CBLN2: variants seen among roughly 807,000 people sequenced by gnomAD.
CBLN2 encodes cerebellin 2 precursor.
Under a neutral mutation model 15.0 loss-of-function variants are expected in CBLN2, and 7 were observed. That is an observed-to-expected ratio of 0.47 (90% CI 0.27 to 0.88). CBLN2 has a LOEUF of 0.88. Among genes scored for constraint, CBLN2 ranks in the 40% least tolerant of loss-of-function variants. The pLI is 0.14. For missense variants in CBLN2, 242 were observed against 304.5 expected, an observed-to-expected ratio of 0.79 and a Z score of 1.53; for synonymous variants, 149 against 135.2, an observed-to-expected ratio of 1.10 and a Z score of -0.71.
rs142324000 is a variant in CBLN2, at chr18:72,575,777, G to A, written c.16-37005C>T. ...AGGACTTGGGGTTTGGAAGGAATGAGACAAGGAAAGAGAACGGGAGATGTG... is the reference window on the plus strand; with the variant it reads ...AGGACTTGGGGTTTGGAAGGAATGAAACAAGGAAAGAGAACGGGAGATGTG... On this transcript the variant is annotated intron_variant, in intron 1 of 2. Coordinates refer to the CBLN2 transcript ENST00000581073. Among the ~76,000 whole-genome samples the A allele has an allele frequency of 3.3e-3, 489 of 149,794 alleles. 2 individuals are homozygous for A. Among genetic ancestry groups the A allele is most frequent in the Middle Eastern group, 0.01 (3 of 292 alleles).
At chr18:72,601,241 G>A (rs998062094) in intron 1 of CBLN2, among the ~76,000 whole-genome samples, 23 of 152,216 alleles carry the variant, frequency 1.5e-4, no homozygotes, top group African/African-American at 5.3e-4. Context: ...CCTACGCCCC[G>A]GATTGACCAA....
At chr18:72,549,331 A>AGCTGAT (rs2069177882), upstream of CBLN2, among the ~76,000 whole-genome samples, 1 of 152,228 alleles carries the variant, frequency 6.6e-6, no homozygotes, top group African/African-American at 2.4e-5. Context: ...ACAAGCTTGC[A>AGCTGAT]GCTGATGCTG....
chr18:72,636,225 G>A (rs2069811457), intron 1 of CBLN2, among the ~76,000 whole-genome samples: 1 of 152,040 alleles, frequency 6.6e-6, no homozygotes, highest in Non-Finnish European at 1.5e-5. Context: ...TAGTTACGTA[G>A]GTATTGAAAA....
At chr18:72,630,563 G>A (rs1379182801) in intron 1 of CBLN2, among the ~76,000 whole-genome samples, 2 of 92,774 alleles carry the variant, frequency 2.2e-5, no homozygotes, top group African/African-American at 6.7e-5. Flanking sequence ...ACACACACAT[G>A]CAGAGAGAGA....
At chr18:72,608,849 T>C (rs2069601934) in intron 1 of CBLN2, among the ~76,000 whole-genome samples, 1 of 152,168 alleles carries the variant, frequency 6.6e-6, no homozygotes, top group Non-Finnish European at 1.5e-5. Context: ...CTCATAGTCA[T>C]GGTGGAAGGT....
chr18:72,542,244 C>T lies in CBLN2; in HGVS notation c.-84G>A, dbSNP rs2069121109. On this transcript the variant is annotated 5_prime_UTR_variant, in exon 3 of 5. Coordinates refer to ENST00000269503, the MANE Select transcript of CBLN2 (RefSeq NM_182511.4). ...GAAGGGCGCGAAGGAACGCGCGGAGCTCGCAGCAGCCTCCGGGGGCCTTCG... is the reference window on the plus strand; with the variant it reads ...GAAGGGCGCGAAGGAACGCGCGGAGTTCGCAGCAGCCTCCGGGGGCCTTCG... The T allele has an allele frequency of 5.3e-6, 5 of 936,206 alleles. No individual in the cohort carries two copies. Among genetic ancestry groups the T allele is most frequent in the Non-Finnish European group, 6.7e-6 (5 of 741,264 alleles). 58.0% of individuals were successfully genotyped at this position (936,206 alleles called of 1,614,324 possible). A position where few individuals can be genotyped will look rare whatever the true frequency, so the allele number is the denominator to read the frequency against.
chr18:72,592,353 A>T (rs1441947119), intron 1 of CBLN2, among the ~76,000 whole-genome samples: 2 of 151,238 alleles, frequency 1.3e-5, no homozygotes, highest in Non-Finnish European at 3.0e-5. Context: ...GAATTATTGC[A>T]TTTCTCCCTA....
intron 1 of CBLN2, among the ~76,000 whole-genome samples, chr18:72,597,699 C>A (rs1415491230): frequency 6.6e-6 from 1 of 152,220 alleles, no homozygotes; most frequent in African/African-American, 2.4e-5. Context: ...AATCAGAAAC[C>A]TTTGGGATCT....
intron 1 of CBLN2, among the ~76,000 whole-genome samples, chr18:72,571,433 G>A (rs929252950): frequency 1.3e-5 from 2 of 152,134 alleles, no homozygotes; most frequent in Non-Finnish European, 2.9e-5. Context: ...AAAAGCGAGA[G>A]CATTGCCTAG....
intron 1 of CBLN2, chr18:72,618,541 A>G: frequency 1.4e-6 from 1 of 721,872 alleles, no homozygotes; most frequent in Non-Finnish European, 2.5e-6. Context: ...TGTCTCAAGA[A>G]AAGTTTCTCA....
At chr18:72,546,455 AG>A (rs1231385284), upstream of CBLN2, among the ~76,000 whole-genome samples, 735 of 152,164 alleles carry the variant, frequency 4.8e-3, 8 homozygotes, top group African/African-American at 0.015. Flanking sequence ...AAAAAAAAAA[AG>A]ATATTTAAGT....
At chr18:72,630,882 C>G (rs1163710548) in intron 1 of CBLN2, 2 of 152,202 alleles carry the variant, frequency 1.3e-5, no homozygotes, top group East Asian at 3.9e-4. Flanking sequence ...GAAATTAATA[C>G]AAGCCATATA....
chr18:72,591,634 T>A (rs2069480313), intron 1 of CBLN2, among the ~76,000 whole-genome samples: 1 of 152,138 alleles, frequency 6.6e-6, no homozygotes, highest in Non-Finnish European at 1.5e-5. Context: ...CATCCTTATT[T>A]CCCCATGTCC....
intron 1 of CBLN2, chr18:72,618,733 G>A (rs2069679766): frequency 2.8e-6 from 2 of 718,880 alleles, no homozygotes; most frequent in Non-Finnish European, 5.1e-6. Flanking sequence ...TGATGACCAT[G>A]ACTCCGTGGA....
At chr18:72,593,452 C>T (rs1180121250) in intron 1 of CBLN2, among the ~76,000 whole-genome samples, 1 of 152,066 alleles carries the variant, frequency 6.6e-6, no homozygotes, top group East Asian at 1.9e-4. Context: ...ATAACATCTA[C>T]AAAAAAGTAT....
In CBLN2 at chr18:72,542,104, C is replaced by T. The variant is rs766129906; in HGVS notation, c.57G>A (p.Arg19=). The T allele has an allele frequency of 2.7e-6, 4 of 1,461,126 alleles. No individual in the cohort carries two copies. The highest frequency in any genetic ancestry group is 5.1e-5 in the Admixed American group (2 of 38,960). 90.5% of individuals were successfully genotyped at this position (1,461,126 alleles called of 1,614,324 possible). A position where few individuals can be genotyped will look rare whatever the true frequency, so the allele number is the denominator to read the frequency against. The part of the protein sequence containing the change: ...LGLRLMMPGR[R]GALREPGGCG... The stretch of plus-strand genomic sequence containing the variant: ...AGCCGCCCGGCTCGCGCAGCGCCCC[C>T]CGGCGCCCGGGCATCATCAGCCGCA... The change falls in exon 3 of 5, where the codon CGG becomes CGA. Residue 19 remains arginine, a synonymous_variant. Transcript: ENST00000269503.
intron 1 of CBLN2, among the ~76,000 whole-genome samples, chr18:72,550,948 C>T (rs1347371361): frequency 1.3e-5 from 2 of 152,018 alleles, no homozygotes; most frequent in African/African-American, 2.4e-5. Flanking sequence ...TGCAGCTCTG[C>T]TATGGTGCCT....
chr18:72,541,776 GGGCGGGGTGGGCAGGCCGAC>G lies in CBLN2; in HGVS notation c.357+8_357+27del, dbSNP rs1568249236. 28 of 1,503,098 alleles carry G rather than the reference GGGCGGGGTGGGCAGGCCGAC, an allele frequency of 1.9e-5. No individual in the cohort carries two copies. The highest frequency in any genetic ancestry group is 4.2e-5 in the African/African-American group (3 of 71,222). 93.1% of individuals were successfully genotyped at this position (1,503,098 alleles called of 1,614,324 possible). On this transcript the variant is annotated splice_region_variant and intron_variant, in intron 3 of 4. Transcript: ENST00000269503. ...GTCCCCGCCCCTCTCCCCGGGCTGG[GGGCGGGGTGGGCAGGCCGAC>G]GGCTGACCTGGTCGAAATAGATGGT... is the stretch of plus-strand genomic sequence containing the variant.
chr18:72,629,879 T>C (rs1299847426), intron 1 of CBLN2, among the ~76,000 whole-genome samples: 7 of 152,170 alleles, frequency 4.6e-5, no homozygotes, highest in Admixed American at 2.0e-4. Context: ...ATATTTCTGA[T>C]ACCACAATTT....
Sources: allele counts gnomAD v4.1 joint callset (sites outside exome capture counted in the v4.1 genomes callset), GRCh38; gene constraint gnomAD v4.1.1; transcripts MANE v1.5; gene names NCBI Gene and HGNC (gene_info 2026-07-23, HGNC 2026-07-21).